Variants in NFATC2 observed in about 807,000 individuals in gnomAD.
NFATC2 encodes the protein nuclear factor of activated T-cells, cytoplasmic 2.
Under a neutral mutation model 87.3 loss-of-function variants are expected in NFATC2, and 22 were observed. The ratio of observed to expected loss-of-function variants is 0.25; its 90% confidence interval spans 0.18 to 0.36. NFATC2 has a LOEUF of 0.36. Ranked by LOEUF, NFATC2 falls within the 10% of genes least tolerant of loss-of-function variation. The pLI is 1.00. For missense variants in NFATC2, 1,149 were observed against 1,259.1 expected (o/e 0.91, Z 1.32); for synonymous variants, 565 against 542.2 (o/e 1.04, Z -0.58).
intron 5 of NFATC2, among the ~76,000 whole-genome samples, chr20:51,459,970 G>T (rs562343945): frequency 2.0e-5 from 3 of 152,164 alleles, no homozygotes; most frequent in Non-Finnish European, 4.4e-5. Flanking sequence ...TGTACTTCAT[G>T]TACTGAATTG....
At position 51,523,339 on chromosome 20, in the gene NFATC2, G is replaced by A; in HGVS notation, c.902C>T (p.Ala301Val). The change falls in exon 2 of 11, where the codon GCC (alanine) becomes GTC (valine). Residue 301 changes from alanine to valine, a missense_variant. By Grantham distance (64) the Ala-to-Val change is moderately conservative. Coordinates refer to ENST00000371564, the MANE Select transcript of NFATC2 (RefSeq NM_012340.5). The surrounding 1 kb of genome is among the most constrained non-coding windows in gnomAD (Gnocchi z 6.9). ...PAGYPPVAGS[A>V]VIMDALNSLA... is the part of the protein sequence containing the mutation. Reference sequence around the variant, plus strand: ...GCTGTTCAGGGCATCCATGATCACGGCAGAGCCAGCCACAGGGGGGTACCC... The same window carrying A: ...GCTGTTCAGGGCATCCATGATCACGACAGAGCCAGCCACAGGGGGGTACCC... 1 of 1,612,092 alleles carries A rather than the reference G, an allele frequency of 6.2e-7. No individual in the cohort carries two copies.
intron 5 of NFATC2, among the ~76,000 whole-genome samples, chr20:51,465,120 G>A (rs902207866): frequency 2.6e-5 from 4 of 152,220 alleles, no homozygotes; most frequent in African/African-American, 9.6e-5. Flanking sequence ...GGGCGTGGTG[G>A]CTCAGGCCTG....
chr20:51,427,772 T>C (rs1396325943), intron 9 of NFATC2, among the ~76,000 whole-genome samples: 2 of 152,070 alleles, frequency 1.3e-5, no homozygotes, highest in African/African-American at 4.8e-5. Flanking sequence ...AGAGTGGCCT[T>C]TCTGTACACT....
upstream of NFATC2, among the ~76,000 whole-genome samples, chr20:51,545,745 TGATG>T (rs756741346): frequency 1.1e-4 from 17 of 151,728 alleles, no homozygotes; most frequent in Non-Finnish European, 1.9e-4. Flanking sequence ...AATGGATGGA[TGATG>T]GATGGAGGAG....
At chr20:51,560,772 G>A (rs954309047) in intron 1 of NFATC2, among the ~76,000 whole-genome samples, 1 of 151,458 alleles carries the variant, frequency 6.6e-6, no homozygotes, top group Non-Finnish European at 1.5e-5. Flanking sequence ...ATCCCTGCAC[G>A]CATGAGCATG....
In NFATC2 at chr20:51,475,518, A is replaced by G. The variant is rs1369338641; in HGVS notation, c.1475T>C (p.Ile492Thr). 7 of 1,613,976 alleles carry G rather than the reference A, an allele frequency of 4.3e-6. No individual in the cohort carries two copies. The highest frequency in any genetic ancestry group is 5.9e-6 in the Non-Finnish European group (7 of 1,179,998). ...CTCCAGGACTTTGGTGTTGCCCACT[A>G]TCTTCTCATAGCTGGTGGTGGTGAC... ...KTVTTTSYEK[I>T]VGNTKVLEIP... The change falls in exon 4 of 11, where the codon ATA (isoleucine) becomes ACA (threonine). Residue 492 changes from isoleucine to threonine, a missense_variant. By Grantham distance (89) the Ile-to-Thr change is moderately conservative (BLOSUM62 -1). Transcript: ENST00000371564.
At chr20:51,468,324 T>C (rs945668178) in intron 5 of NFATC2, among the ~76,000 whole-genome samples, 1 of 109,716 alleles carries the variant, frequency 9.1e-6, no homozygotes, top group Non-Finnish European at 2.0e-5. Flanking sequence ...TCCATAAAAA[T>C]ATATATATAT....
intron 3 of NFATC2, among the ~76,000 whole-genome samples, chr20:51,488,914 C>A (rs533104687): frequency 6.6e-6 from 1 of 152,206 alleles, no homozygotes; most frequent in Non-Finnish European, 1.5e-5. Context: ...TCAAGCTGGG[C>A]GCAGTGGCTC....
chr20:51,418,074 G>T (rs1980295811), intron 9 of NFATC2, among the ~76,000 whole-genome samples: 1 of 152,208 alleles, frequency 6.6e-6, no homozygotes, highest in African/African-American at 2.4e-5. Context: ...TTCTGACCCT[G>T]GGGCCCCTGT....
At chr20:51,429,332 G>C (rs927384490) in intron 9 of NFATC2, among the ~76,000 whole-genome samples, 1 of 152,216 alleles carries the variant, frequency 6.6e-6, no homozygotes, top group Non-Finnish European at 1.5e-5. Context: ...AGACAAGGCC[G>C]GTGGAGCACT....
At chr20:51,445,372 C>T (rs542049418) in intron 6 of NFATC2, among the ~76,000 whole-genome samples, 2 of 152,300 alleles carry the variant, frequency 1.3e-5, no homozygotes, top group South Asian at 4.1e-4. Context: ...CTCTTTCCCA[C>T]CTTCAGGGGT....
At chr20:51,542,076 G>GC (rs2076827811) in intron 1 of NFATC2, among the ~76,000 whole-genome samples, 1 of 152,118 alleles carries the variant, frequency 6.6e-6, no homozygotes, top group African/African-American at 2.4e-5. Flanking sequence ...GACAGCACCC[G>GC]CCCCCCAGCC....
intron 10 of NFATC2, among the ~76,000 whole-genome samples, chr20:51,397,460 C>T (rs1242669724): frequency 6.6e-6 from 1 of 152,246 alleles, no homozygotes; most frequent in Non-Finnish European, 1.5e-5. Flanking sequence ...CAGCCACAGG[C>T]CTGAGCCGCT....
intron 9 of NFATC2, among the ~76,000 whole-genome samples, chr20:51,426,004 A>G (rs529927906): frequency 3.0e-4 from 45 of 152,288 alleles, no homozygotes; most frequent in African/African-American, 1.1e-3. Context: ...CCCTGGAGGA[A>G]GCGGGGGGAG....
At chr20:51,406,164 G>A (rs76148665) in intron 9 of NFATC2, among the ~76,000 whole-genome samples, 4,556 of 152,292 alleles carry the variant, frequency 0.03, 215 homozygotes, top group African/African-American at 0.1. Context: ...CCAAGTCTCC[G>A]AAAGAGTAAC....
chr20:51,407,306 C>T (rs768041524), intron 9 of NFATC2, among the ~76,000 whole-genome samples: 23 of 152,188 alleles, frequency 1.5e-4, no homozygotes, highest in Non-Finnish European at 3.1e-4. Flanking sequence ...TCCAACAGAA[C>T]ACTTGGCACC....
chr20:51,477,815 G>A (rs1029081791), intron 3 of NFATC2, among the ~76,000 whole-genome samples: 3 of 151,712 alleles, frequency 2.0e-5, no homozygotes, highest in African/African-American at 7.3e-5. Context: ...GTGATGAATG[G>A]TTACATATGG....
At chr20:51,537,616 T>C (rs1031682601) in intron 1 of NFATC2, among the ~76,000 whole-genome samples, 1 of 152,172 alleles carries the variant, frequency 6.6e-6, no homozygotes, top group African/African-American at 2.4e-5. Flanking sequence ...TGACCAGGGA[T>C]TCCCAGTACC....
At chr20:51,441,578 G>C (rs867637365) in intron 6 of NFATC2, among the ~76,000 whole-genome samples, 3 of 151,250 alleles carry the variant, frequency 2.0e-5, no homozygotes, top group Admixed American at 1.3e-4. Context: ...TTAGCTGGGC[G>C]TGGTAGTGGG....
Sources: gnomAD v4.1 joint callset for allele counts (sites outside exome capture counted in the v4.1 genomes callset) on GRCh38, gnomAD v4.1.1 for gene constraint, Gnocchi (gnomAD v3.1) non-coding constraint, MANE v1.5 for transcripts, NCBI Gene and HGNC (gene_info 2026-07-23, HGNC 2026-07-21) for gene names.